LEPROTL1: variants seen among roughly 807,000 people sequenced by gnomAD.
LEPROTL1 encodes leptin receptor overlapping transcript-like 1.
A neutral mutation model predicts 15.4 loss-of-function variants in LEPROTL1; 6 were observed. The observed-to-expected ratio is 0.39, with a 90% CI of 0.21 to 0.77. LEPROTL1 has a LOEUF of 0.77. LEPROTL1 is among the 30% of genes least tolerant of loss of function. LEPROTL1 has a pLI of 0.41. For missense variants in LEPROTL1, 128 were observed against 158.1 expected (o/e 0.81, Z 1.02); for synonymous variants, 56 against 52.6 (o/e 1.06, Z -0.28).
chr8:30,104,377 A>G lies in LEPROTL1; in HGVS notation c.170A>G (p.Asp57Gly). ...IPYCIARRLV[D>G]DTDAMSNACK... is the part of the protein sequence containing the mutation. The stretch of plus-strand genomic sequence containing the variant: ...TACTGCATAGCAAGAAGATTAGTGG[A>G]TGATACAGATGCTATGAGTAACGCT... Residue 57 changes from aspartate (D) to glycine (G), a missense_variant, in exon 3 of 4, where the codon GAT (aspartate) becomes GGT (glycine). Asp to Gly is a moderately conservative substitution (Grantham distance 94). Coordinates refer to ENST00000321250, the MANE Select transcript of LEPROTL1 (RefSeq NM_015344.3). The G allele has an allele frequency of 3.7e-6, 6 of 1,610,930 alleles. No homozygotes were observed. The highest frequency in any genetic ancestry group is 4.2e-6 in the Non-Finnish European group (5 of 1,177,846).
At chr8:30,125,363 A>C (rs1643498840) in intron 3 of LEPROTL1, among the ~76,000 whole-genome samples, 1 of 152,222 alleles carries the variant, frequency 6.6e-6, no homozygotes, top group African/African-American at 2.4e-5. Context: ...AGTAGGAGAG[A>C]ACTATTGTCA....
At chr8:30,123,357 A>T (rs1281771886) in intron 3 of LEPROTL1, among the ~76,000 whole-genome samples, 2 of 152,242 alleles carry the variant, frequency 1.3e-5, no homozygotes, top group South Asian at 2.1e-4. Context: ...GTTACATTGT[A>T]AGAAAAGCAT....
chr8:30,106,749 G>T lies in LEPROTL1; in HGVS notation c.*887G>T. The T allele has an allele frequency of 2.0e-6, 2 of 984,852 alleles. No homozygotes were observed. The highest frequency in any genetic ancestry group is 2.4e-6 in the Non-Finnish European group (2 of 829,142). 61.0% of individuals were successfully genotyped at this position (984,852 alleles called of 1,614,324 possible). ...TTTCATGTTTTACCCTGTTAAAATG[G>T]ACATACATGGAACCACTACTGATGA... On this transcript the variant is annotated 3_prime_UTR_variant, in exon 4 of 4. Coordinates refer to ENST00000321250, the MANE Select transcript of LEPROTL1 (RefSeq NM_015344.3).
rs150379975 is a variant in LEPROTL1 at position 30,116,609 on chromosome 8, G to A, written c.279+12123G>A. Reference sequence around the variant, plus strand: ...GCTGCCCAGTTCCTAATAGGCCATGGACTGATACTGGCCCCTGGCCTGGGG... The same window carrying A: ...GCTGCCCAGTTCCTAATAGGCCATGAACTGATACTGGCCCCTGGCCTGGGG... On this transcript the variant is annotated intron_variant, in intron 3 of 4. Coordinates refer to the LEPROTL1 transcript ENST00000442880. 3.1e-3 allele frequency among the ~76,000 whole-genome samples: 476 copies of A among 152,220 alleles called. 7 individuals are homozygous for A. Among genetic ancestry groups the A allele is most frequent in the African/African-American group, 0.011 (463 of 41,534 alleles).
chr8:30,111,890 T>C (rs1291009559), downstream of LEPROTL1, among the ~76,000 whole-genome samples: 1 of 152,096 alleles, frequency 6.6e-6, no homozygotes, highest in Non-Finnish European at 1.5e-5. Context: ...GGGGACAGCT[T>C]TTTGATTCTG....
intron 4 of LEPROTL1, among the ~76,000 whole-genome samples, chr8:30,135,913 G>GAA (rs36032566): frequency 0.089 from 11,493 of 128,598 alleles, 700 homozygotes; most frequent in Middle Eastern, 0.14. Context: ...GACCTTGTCT[G>GAA]AAAAAAAAAA....
chr8:30,107,574 G>C lies in LEPROTL1; in HGVS notation c.*1712G>C. The C allele has an allele frequency of 1.0e-6, 1 of 985,858 alleles. No homozygotes were observed. The highest frequency in any genetic ancestry group is 1.2e-6 in the Non-Finnish European group (1 of 829,932). 61.1% of individuals were successfully genotyped at this position (985,858 alleles called of 1,614,324 possible). A position where few individuals can be genotyped will look rare whatever the true frequency, so the allele number is the denominator to read the frequency against. On this transcript the variant is annotated 3_prime_UTR_variant, in exon 4 of 4. Coordinates refer to ENST00000321250, the MANE Select transcript of LEPROTL1 (RefSeq NM_015344.3). The stretch of plus-strand genomic sequence containing the variant: ...TGCCTAACTTAAGCCATGACTTTTA[G>C]ATATGAGATGACGGGAAGCAGGACG...
chr8:30,095,823 G>T, intron 1 of LEPROTL1: 2 of 701,952 alleles, frequency 2.8e-6, no homozygotes, highest in Non-Finnish European at 5.2e-6. Context: ...TTGGCGGTCA[G>T]TGAGGAGTCC....
chr8:30,101,847 A>T (rs1802472340), intron 1 of LEPROTL1, 51 bp from the exon 2 acceptor site: 1 of 1,139,990 alleles, frequency 8.8e-7, no homozygotes, highest in South Asian at 1.4e-5. Flanking sequence ...TGATATTAAT[A>T]AAAATAATAT....
intron 1 of LEPROTL1, 79 bp from the exon 2 acceptor site, chr8:30,101,819 A>G: frequency 1.2e-6 from 1 of 845,140 alleles, no homozygotes; most frequent in Non-Finnish European, 1.9e-6. Context: ...CTGAGGTTAC[A>G]GATAATGTTC....
intron 3 of LEPROTL1, chr8:30,131,834 T>C: frequency 3.6e-6 from 5 of 1,370,522 alleles, no homozygotes; most frequent in East Asian, 2.5e-5. Flanking sequence ...TCCAAAACTT[T>C]AGAAAAAATT....
At position 30,099,421 on chromosome 8, in the gene LEPROTL1, G is replaced by A. The variant is rs754120365; in HGVS notation, c.17-2477G>A. Among the ~76,000 whole-genome samples the A allele has an allele frequency of 9.2e-4, 137 of 149,624 alleles. No individual in the cohort carries two copies. In the Middle Eastern group the frequency reaches 0.024, roughly 26 times the overall value. ...ATCCTGGCCAATGTGGTGAAACCCC[G>A]TCTCTACTAAAAATACAAAAAAAAA... On this transcript the variant is annotated intron_variant, in intron 1 of 3. Coordinates refer to ENST00000321250, the MANE Select transcript of LEPROTL1 (RefSeq NM_015344.3).
chr8:30,105,919 G>A lies in LEPROTL1; in HGVS notation c.*57G>A, dbSNP rs73669623. Reference sequence around the variant, plus strand: ...TTCCTGTCATTTGTTGGCCATTCACGCACACAGGAGATGGGGCAGTTAATG... The same window carrying A: ...TTCCTGTCATTTGTTGGCCATTCACACACACAGGAGATGGGGCAGTTAATG... On this transcript the variant is annotated 3_prime_UTR_variant, in exon 4 of 4. Transcript: ENST00000321250. 84 of 1,421,732 alleles carry A rather than the reference G, an allele frequency of 5.9e-5. No homozygotes were observed. The highest frequency in any genetic ancestry group is 2.1e-4 in the African/African-American group (14 of 67,632). 88.1% of individuals were successfully genotyped at this position (1,421,732 alleles called of 1,614,324 possible).
At chr8:30,108,816 C>A (rs1563215155), downstream of LEPROTL1, among the ~76,000 whole-genome samples, 1 of 152,078 alleles carries the variant, frequency 6.6e-6, no homozygotes, top group Admixed American at 6.6e-5. Context: ...CTTGTAGAAA[C>A]ATGGTTTTGC....
Position 30,107,040 on chromosome 8 carries a change from GGTAATA to G in LEPROTL1, c.*1182_*1187del. 1.0e-6 allele frequency: 1 copy of G among 975,768 alleles called. No individual in the cohort carries two copies. Among genetic ancestry groups the G allele is most frequent in the Non-Finnish European group, 1.2e-6 (1 of 821,274 alleles). The allele number at this position is 975,768 out of a possible 1,614,324, so 60.4% of individuals were successfully genotyped here. On this transcript the variant is annotated 3_prime_UTR_variant, in exon 4 of 4. Coordinates refer to ENST00000321250, the MANE Select transcript of LEPROTL1 (RefSeq NM_015344.3). ...ATTAACAGTTTAAGATTTAGACCAT[GGTAATA>G]GTAGTTCTTATTCTCTAAGGTTATA...
chr8:30,113,425 A>G (rs1802684763), downstream of LEPROTL1, among the ~76,000 whole-genome samples: 1 of 152,224 alleles, frequency 6.6e-6, no homozygotes, highest in African/African-American at 2.4e-5. Context: ...AAATGCTGCT[A>G]GCAAGCGTGG....
rs1311992323 is a variant in LEPROTL1, at chr8:30,107,881, T to C, written c.*2019T>C. 1 of 985,152 alleles carries C rather than the reference T, an allele frequency of 1.0e-6. No homozygotes were observed. The highest frequency in any genetic ancestry group is 1.2e-6 in the Non-Finnish European group (1 of 829,770). The allele number at this position is 985,152 out of a possible 1,614,324, so 61.0% of individuals were successfully genotyped here. ...CTAACAGCTGCGTATTATTTCTATA[T>C]ACTAACTGCATTGGCAGCATTGTGT... is the stretch of plus-strand genomic sequence containing the variant. On this transcript the variant is annotated 3_prime_UTR_variant, in exon 4 of 4. Transcript: ENST00000321250.
Position 30,137,208 on chromosome 8 carries a change from G to A in LEPROTL1, c.395-64G>A, listed in dbSNP as rs912129807. The A allele has an allele frequency of 3.2e-5, 39 of 1,204,398 alleles. No homozygotes were observed. In the African/African-American group the frequency reaches 5.5e-4, roughly 17 times the overall value. 74.6% of individuals were successfully genotyped at this position (1,204,398 alleles called of 1,614,324 possible). ...AAGCAATGTTTCCTCTCATCTCAGG[G>A]ATCTTGCTGATTCATGACAACACTT... is the stretch of plus-strand genomic sequence containing the variant. On this transcript the variant is annotated intron_variant, in intron 4 of 4. Coordinates refer to the LEPROTL1 transcript ENST00000442880.
intron 3 of LEPROTL1, among the ~76,000 whole-genome samples, chr8:30,118,753 G>A (rs1802780227): frequency 6.6e-6 from 1 of 152,216 alleles, no homozygotes; most frequent in Admixed American, 6.5e-5. Flanking sequence ...GGAGAGCAGG[G>A]TGATAGTGGG....
Sources: allele counts gnomAD v4.1 joint callset (sites outside exome capture counted in the v4.1 genomes callset), GRCh38; gene constraint gnomAD v4.1.1; transcripts MANE v1.5; gene names NCBI Gene and HGNC (gene_info 2026-07-23, HGNC 2026-07-21).